The following JRK variants were observed in gnomAD, a reference collection of about 807,000 sequenced individuals.
JRK encodes the protein jerky protein homolog.
For synonymous variants in JRK, 303 were observed against 218.1 expected (o/e 1.39, Z -3.43); for missense variants, 720 against 509.2 (o/e 1.41, Z -3.98).
Position 142,665,439 on chromosome 8 carries a change from G to T in JRK, c.620C>A (p.Pro207His), listed in dbSNP as rs1554635696. ...CCGGTCCTTGCCCTGCTTGGGGCCAGGCACAGCCCCGCCTTCCGGAGTGGG... is the reference window on the plus strand; with the variant it reads ...CCGGTCCTTGCCCTGCTTGGGGCCATGCACAGCCCCGCCTTCCGGAGTGGG... ...PNPTPEGGAV[P>H]GPKQGKDRLT... The change falls in exon 2 of 2, where the codon CCT (proline) becomes CAT (histidine). Residue 207 changes from proline (P) to histidine (H), a missense_variant. Coordinates refer to ENST00000612905, the MANE Select transcript of JRK (RefSeq NM_003724.4). 1 of 717,880 alleles carries T rather than the reference G, an allele frequency of 1.4e-6. No individual in the cohort carries two copies. Among genetic ancestry groups the T allele is most frequent in the Admixed American group, 2.0e-5 (1 of 50,030 alleles). 44.5% of individuals were successfully genotyped at this position (717,880 alleles called of 1,614,324 possible).
At chr8:142,649,506 C>T in the JRK span, among the ~76,000 whole-genome samples, 7 of 152,236 alleles carry the variant, frequency 4.6e-5, no homozygotes, top group Admixed American at 2.6e-4. Flanking sequence ...CCATGTAAGA[C>T]GTGACTTGCT....
chr8:142,644,783 T>C, the JRK span, among the ~76,000 whole-genome samples: 1 of 152,152 alleles, frequency 6.6e-6, no homozygotes, highest in East Asian at 1.9e-4. Context: ...CAATTACATT[T>C]GTTTTTCAAA....
chr8:142,654,059 G>A (rs1457227478), downstream of JRK, among the ~76,000 whole-genome samples: 1 of 152,182 alleles, frequency 6.6e-6, no homozygotes, highest in Non-Finnish European at 1.5e-5. Context: ...AGAGTGGTGG[G>A]ACTGAGAGGC....
downstream of JRK, among the ~76,000 whole-genome samples, chr8:142,655,727 G>C (rs1846737774): frequency 6.6e-6 from 1 of 152,222 alleles, no homozygotes; most frequent in South Asian, 2.1e-4. Flanking sequence ...ACAGAATGTG[G>C]ACAGCACAGG....
chr8:142,664,436 A>AACCTTG lies in JRK; in HGVS notation c.1617_1622dup (p.Lys540_Val541dup). 1 of 1,610,422 alleles carries AACCTTG rather than the reference A, an allele frequency of 6.2e-7. No homozygotes were observed. The highest frequency in any genetic ancestry group is 1.1e-5 in the South Asian group (1 of 90,820). On this transcript the variant is annotated inframe_insertion, in exon 2 of 2. Transcript: ENST00000612905. ...CACCAGGGCCCTCCTGGAGGGCTTC[A>AACCTTG]ACCTTGACCACAGCCCCGAGGGCAC...
In JRK at chr8:142,661,632, G is replaced by A. The variant is rs1846918908; in HGVS notation, c.*2720C>T. ...TGGTGCTCACAGATAAAACGCGGAG[G>A]CATTTAAACAGGACCAGAGACTTTC... On this transcript the variant is annotated 3_prime_UTR_variant, in exon 2 of 2. Transcript: ENST00000612905. 1.0e-6 allele frequency: 1 copy of A among 985,444 alleles called. No homozygotes were observed. Among genetic ancestry groups the A allele is most frequent in the South Asian group, 4.7e-5 (1 of 21,288 alleles). The allele number at this position is 985,444 out of a possible 1,614,324, so 61.0% of individuals were successfully genotyped here.
At chr8:142,666,594 C>T (rs1847135279) in intron 1 of JRK, 74 bp from the exon 2 acceptor site, 1 of 203,860 alleles carries the variant, frequency 4.9e-6, no homozygotes. Flanking sequence ...CACGACTCTC[C>T]TCACCGGGAC....
the JRK span, among the ~76,000 whole-genome samples, chr8:142,647,897 G>C: frequency 6.6e-6 from 1 of 152,238 alleles, no homozygotes; most frequent in Admixed American, 6.5e-5. Flanking sequence ...GAATGGCTTT[G>C]CCCAAAATGC....
chr8:142,660,633 CT>C lies in JRK; in HGVS notation c.*3718del. The C allele has an allele frequency of 2.1e-6, 2 of 932,530 alleles. No homozygotes were observed. The highest frequency in any genetic ancestry group is 2.6e-6 in the Non-Finnish European group (2 of 782,914). 57.8% of individuals were successfully genotyped at this position (932,530 alleles called of 1,614,324 possible). On this transcript the variant is annotated 3_prime_UTR_variant, in exon 2 of 2. Transcript: ENST00000612905. The stretch of plus-strand genomic sequence containing the variant: ...CCCAGGCTGGTTTCAAACTCCTGAA[CT>C]AAAGTGATCCTCCTGCCGTGGCCTT...
At position 142,662,837 on chromosome 8, in the gene JRK, G is replaced by A; in HGVS notation, c.*1515C>T. The A allele has an allele frequency of 1.0e-6, 1 of 985,414 alleles. No individual in the cohort carries two copies. The highest frequency in any genetic ancestry group is 1.7e-5 in the African/African-American group (1 of 57,358). The allele number at this position is 985,414 out of a possible 1,614,324, so 61.0% of individuals were successfully genotyped here. A position where few individuals can be genotyped will look rare whatever the true frequency, so the allele number is the denominator to read the frequency against. On this transcript the variant is annotated 3_prime_UTR_variant, in exon 2 of 2. Transcript: ENST00000612905. ...ATTTAAGAGAGGAAAAGAATTCAAG[G>A]GCAAAGCACTGAAAATAACATAGCA...
At chr8:142,655,087 C>T (rs1199363684), downstream of JRK, among the ~76,000 whole-genome samples, 1 of 152,198 alleles carries the variant, frequency 6.6e-6, no homozygotes, top group Non-Finnish European at 1.5e-5. Flanking sequence ...TGACCACCCC[C>T]AGGCTGGATC....
At chr8:142,648,046 G>T in the JRK span, among the ~76,000 whole-genome samples, 1 of 152,238 alleles carries the variant, frequency 6.6e-6, no homozygotes, top group Non-Finnish European at 1.5e-5. Context: ...CCCTGGAGAT[G>T]TGACGAATTC....
At chr8:142,666,558 C>T (rs587682043) in intron 1 of JRK, 38 bp from the exon 2 acceptor site, 47 of 241,908 alleles carry the variant, frequency 1.9e-4, no homozygotes, top group Admixed American at 9.2e-4. Flanking sequence ...AGTGATGGGG[C>T]GCGCCCAGGA....
Position 142,663,819 on chromosome 8 carries a change from C to T in JRK, c.*533G>A. On this transcript the variant is annotated 3_prime_UTR_variant, in exon 2 of 2. Coordinates refer to ENST00000612905, the MANE Select transcript of JRK (RefSeq NM_003724.4). ...GCCGCTAGCAGGCCAAGAACTGAGT[C>T]CCAGCTCTCGGGCCATCGGACCTCA... 2.0e-6 allele frequency: 2 copies of T among 986,610 alleles called. No individual in the cohort carries two copies. The highest frequency in any genetic ancestry group is 2.4e-6 in the Non-Finnish European group (2 of 830,830). The allele number at this position is 986,610 out of a possible 1,614,324, so 61.1% of individuals were successfully genotyped here.
chr8:142,664,882 C>G lies in JRK; in HGVS notation c.1177G>C (p.Glu393Gln). 2 of 1,346,856 alleles carry G rather than the reference C, an allele frequency of 1.5e-6. No individual in the cohort carries two copies. Among genetic ancestry groups the G allele is most frequent in the Non-Finnish European group, 2.1e-6 (2 of 940,186 alleles). The allele number at this position is 1,346,856 out of a possible 1,614,324, so 83.4% of individuals were successfully genotyped here. ...RKLWPSVAFA[E>Q]GSSSEEELEA... ...AACTCCTCCTCAGAGGAGGAGCCTT[C>G]GGCAAACGCAACCGACGGCCACAGC... Residue 393 changes from glutamate to glutamine, a missense_variant, in exon 2 of 2, where the codon GAA (glutamate) becomes CAA (glutamine). By Grantham distance (29) the Glu-to-Gln change is conservative. Transcript: ENST00000612905.
the JRK span, among the ~76,000 whole-genome samples, chr8:142,649,884 A>C: frequency 6.6e-6 from 1 of 152,222 alleles, no homozygotes; most frequent in African/African-American, 2.4e-5. Context: ...TGACCTCTAA[A>C]CCCCAGAATG....
the JRK span, among the ~76,000 whole-genome samples, chr8:142,645,604 C>T: frequency 0.035 from 5,326 of 151,990 alleles, 119 homozygotes; most frequent in Non-Finnish European, 0.053. Context: ...GGCATGAACC[C>T]GGGAGGCGGA....
chr8:142,666,535 G>C lies in JRK; in HGVS notation c.-462-15C>G. 3.9e-6 allele frequency: 1 copy of C among 259,372 alleles called. No individual in the cohort carries two copies. Among genetic ancestry groups the C allele is most frequent in the Non-Finnish European group, 8.0e-6 (1 of 125,032 alleles). 16.1% of individuals were successfully genotyped at this position (259,372 alleles called of 1,614,324 possible). A position where few individuals can be genotyped will look rare whatever the true frequency, so the allele number is the denominator to read the frequency against. On this transcript the variant is annotated splice_polypyrimidine_tract_variant and intron_variant, in intron 1 of 1. Transcript: ENST00000612905. The stretch of plus-strand genomic sequence containing the variant: ...CACTTCAGGGGCTGGAAAGCAGAGG[G>C]AACAGAGAGGAAAGTGATGGGGCGC...
At position 142,664,364 on chromosome 8, in the gene JRK, T is replaced by C. The variant is rs1554635066; in HGVS notation, c.1695A>G (p.Ala565=). The C allele has an allele frequency of 1.0e-5, 16 of 1,562,728 alleles. 1 individual carries two copies. In the Middle Eastern group the frequency reaches 5.2e-4, roughly 50 times the overall value. Residue 565 remains alanine, a synonymous_variant, in exon 2 of 2, where the codon GCA becomes GCG. Coordinates refer to ENST00000612905, the MANE Select transcript of JRK (RefSeq NM_003724.4). Reference sequence around the variant, plus strand: ...GGCAGAGAAGCCATCAGTTGTCACCTGCTGTGGATGAGCAGGGCAAGGGAG... The same window carrying C: ...GGCAGAGAAGCCATCAGTTGTCACCCGCTGTGGATGAGCAGGGCAAGGGAG... ...AQSPLPCSST[A]GDN
Sources: allele counts gnomAD v4.1 joint callset (sites outside exome capture counted in the v4.1 genomes callset), GRCh38; gene constraint gnomAD v4.1.1; transcripts MANE v1.5; gene names NCBI Gene and HGNC (gene_info 2026-07-23, HGNC 2026-07-21).